Variants in TMEM38A observed in about 807,000 individuals in gnomAD.
TMEM38A encodes the protein transmembrane protein 38A, also known as trimeric intracellular cation channel type A.
In TMEM38A, 17 loss-of-function variants were observed where a neutral mutation model predicts 28.6. The observed-to-expected ratio is 0.60, with a 90% CI of 0.41 to 0.89. The LOEUF is 0.89. Ranked by LOEUF, TMEM38A falls within the 40% of genes least tolerant of loss-of-function variation. The probability of loss-of-function intolerance (pLI) is 0.00; values close to 1 mark genes in which losing one functional copy is unlikely to be tolerated. For missense variants in TMEM38A, 328 were observed against 393.1 expected, an observed-to-expected ratio of 0.83 and a Z score of 1.40; for synonymous variants, 169 against 166.1, an observed-to-expected ratio of 1.02 and a Z score of -0.14.
intron 1 of TMEM38A, among the ~76,000 whole-genome samples, chr19:16,676,088 C>T (rs577599666): frequency 6.7e-6 from 1 of 149,746 alleles, no homozygotes; most frequent in Non-Finnish European, 1.5e-5. Flanking sequence ...TGGCCGGGCG[C>T]GGTGGCTCAC....
intron 1 of TMEM38A, among the ~76,000 whole-genome samples, chr19:16,662,070 C>T (rs8113407): frequency 0.11 from 16,046 of 152,124 alleles, 1,140 homozygotes; most frequent in African/African-American, 0.2. Context: ...GGATGAATGG[C>T]TTCCTTAGAA....
intron 1 of TMEM38A, among the ~76,000 whole-genome samples, 175 bp from the exon 2 acceptor site, chr19:16,679,809 G>A (rs114014296): frequency 0.01 from 1,549 of 152,248 alleles, 25 homozygotes; most frequent in African/African-American, 0.035. Flanking sequence ...TATTTTCTCT[G>A]TGCAACCTCA....
At chr19:16,667,813 TC>T (rs1269491827) in intron 1 of TMEM38A, among the ~76,000 whole-genome samples, 1 of 150,300 alleles carries the variant, frequency 6.7e-6, no homozygotes, top group African/African-American at 2.5e-5. Context: ...TGAGCCAAGA[TC>T]TTGCCACTGC....
intron 5 of TMEM38A, 152 bp from the exon 6 acceptor site, chr19:16,687,992 C>T: frequency 5.9e-6 from 3 of 508,828 alleles, no homozygotes; most frequent in Non-Finnish European, 6.8e-6. Flanking sequence ...CCTGGGGGTG[C>T]ATGCAGCCAG....
In TMEM38A at chr19:16,672,609, C is replaced by T. The variant is rs138598657; in HGVS notation, c.125-7375C>T. On this transcript the variant is annotated intron_variant, in intron 1 of 5. Coordinates refer to ENST00000187762, the MANE Select transcript of TMEM38A (RefSeq NM_024074.4). ...GATTACAGGCGCATGCCACCACGCCCGGCTACTTTTTGTATTTTTAGTAGA... is the reference window on the plus strand; with the variant it reads ...GATTACAGGCGCATGCCACCACGCCTGGCTACTTTTTGTATTTTTAGTAGA... 3.4e-3 allele frequency among the ~76,000 whole-genome samples: 523 copies of T among 151,954 alleles called. 2 individuals carry two copies. Among genetic ancestry groups the T allele is most frequent in the African/African-American group, 0.012 (488 of 41,416 alleles).
At chr19:16,671,533 A>G (rs1675412236) in intron 1 of TMEM38A, among the ~76,000 whole-genome samples, 1 of 151,854 alleles carries the variant, frequency 6.6e-6, no homozygotes, top group African/African-American at 2.4e-5. Flanking sequence ...TTGACAGTGA[A>G]GCAAACTAAG....
chr19:16,679,922 A>G (rs925415755), intron 1 of TMEM38A, 62 bp from the exon 2 acceptor site: 5 of 1,527,184 alleles, frequency 3.3e-6, no homozygotes, highest in Admixed American at 1.9e-5. Context: ...ACCAGAGCAT[A>G]TGGGAGTGAA....
At chr19:16,681,673 C>A (rs954448835) in intron 3 of TMEM38A, among the ~76,000 whole-genome samples, 2 of 152,150 alleles carry the variant, frequency 1.3e-5, no homozygotes, top group African/African-American at 2.4e-5. Context: ...GGGGAGCCAA[C>A]CTGTGCATTA....
At chr19:16,671,279 C>T (rs916539832) in intron 1 of TMEM38A, among the ~76,000 whole-genome samples, 3 of 144,302 alleles carry the variant, frequency 2.1e-5, no homozygotes, top group South Asian at 2.2e-4. Flanking sequence ...GATCTTGGCT[C>T]ACTGCAATTT....
At position 16,679,251 on chromosome 19, in the gene TMEM38A, TCGTGTGTG is replaced by T. The variant is rs1173899608; in HGVS notation, c.125-732_125-725del. On this transcript the variant is annotated intron_variant, in intron 1 of 5. Transcript: ENST00000187762. The stretch of plus-strand genomic sequence containing the variant: ...GGTCAGAATAGCAATTTCTTTTGTT[TCGTGTGTG>T]TGTGTGTGTGTGTGTGTGTGTGTGT... 4.7e-5 allele frequency among the ~76,000 whole-genome samples: 6 copies of T among 126,658 alleles called. No homozygotes were observed. In the East Asian group the frequency reaches 1.4e-3, roughly 30 times the overall value. The allele number at this position is 126,658 out of a possible 152,430, so 83.1% of individuals were successfully genotyped here.
chr19:16,673,058 TTTTC>T (rs1354829250), intron 1 of TMEM38A, among the ~76,000 whole-genome samples: 1 of 144,058 alleles, frequency 6.9e-6, no homozygotes, highest in African/African-American at 2.9e-5. Flanking sequence ...TCTAGTTCAC[TTTTC>T]TTTTTCTTTT....
intron 1 of TMEM38A, among the ~76,000 whole-genome samples, chr19:16,678,427 C>CAA (rs58580381): frequency 5.0e-3 from 318 of 64,060 alleles, no homozygotes; most frequent in African/African-American, 0.013. Context: ...GACTCTGTCT[C>CAA]AAAAAAAAAA....
Position 16,679,964 on chromosome 19 carries a change from G to A in TMEM38A, c.125-20G>A, listed in dbSNP as rs1477439868. 6.3e-7 allele frequency: 1 copy of A among 1,578,502 alleles called. No individual in the cohort carries two copies. The highest frequency in any genetic ancestry group is 8.6e-7 in the Non-Finnish European group (1 of 1,165,810). On this transcript the variant is annotated intron_variant, in intron 1 of 5. Coordinates refer to ENST00000187762, the MANE Select transcript of TMEM38A (RefSeq NM_024074.4). ...CCTTGGCATGCTGGTGATGATGGGG[G>A]ACACTCCTGTGCCTCCCAGGAGCAG...
chr19:16,679,876 C>G, intron 1 of TMEM38A, 108 bp from the exon 2 acceptor site: 6 of 1,196,936 alleles, frequency 5.0e-6, no homozygotes, highest in Non-Finnish European at 6.8e-6. Flanking sequence ...ACAAACTGCA[C>G]AGTGTTGGGT....
chr19:16,680,186 A>G, intron 2 of TMEM38A, 46 bp downstream of exon 2: 1 of 1,591,946 alleles, frequency 6.3e-7, no homozygotes, highest in South Asian at 1.1e-5. Flanking sequence ...TGGGGGAAAC[A>G]ACAACCTGGG....
chr19:16,663,545 T>C (rs1274831367), intron 1 of TMEM38A, among the ~76,000 whole-genome samples: 1 of 151,486 alleles, frequency 6.6e-6, no homozygotes, highest in Non-Finnish European at 1.5e-5. Flanking sequence ...TTTTTTTTTT[T>C]TGAAACGGAG....
At chr19:16,672,324 G>C (rs939515010) in intron 1 of TMEM38A, among the ~76,000 whole-genome samples, 15 of 152,010 alleles carry the variant, frequency 9.9e-5, no homozygotes, top group African/African-American at 3.6e-4. Flanking sequence ...TCTAAAACAG[G>C]GATGTCCAAT....
chr19:16,673,463 G>C (rs979952022), intron 1 of TMEM38A, among the ~76,000 whole-genome samples: 1 of 152,236 alleles, frequency 6.6e-6, no homozygotes, highest in East Asian at 1.9e-4. Flanking sequence ...CTTTTCTCCT[G>C]TTGCAACATT....
chr19:16,680,638 G>C (rs1238959230), intron 3 of TMEM38A, 57 bp downstream of exon 3: 3 of 1,566,398 alleles, frequency 1.9e-6, no homozygotes, highest in African/African-American at 1.4e-5. Flanking sequence ...TGGTTCAGTG[G>C]TACTACCAGG....
Sources: gnomAD v4.1 joint callset for allele counts (sites outside exome capture counted in the v4.1 genomes callset) on GRCh38, gnomAD v4.1.1 for gene constraint, MANE v1.5 for transcripts, NCBI Gene and HGNC (gene_info 2026-07-23, HGNC 2026-07-21) for gene names.